VAT1L: variants seen among roughly 807,000 people sequenced by gnomAD.
VAT1L encodes the protein putative NADPH-dependent quinone oxidoreductase VAT1L.
A neutral mutation model predicts 44.1 loss-of-function variants in VAT1L; 34 were observed. That is an observed-to-expected ratio of 0.77 (90% CI 0.59 to 1.03). The LOEUF (loss-of-function observed/expected upper bound fraction) is 1.03. Ranked by LOEUF, VAT1L falls within the 50% of genes least tolerant of loss-of-function variation. VAT1L has a pLI of 0.00. For synonymous variants in VAT1L, 253 were observed against 202.2 expected, an observed-to-expected ratio of 1.25 and a Z score of -2.13; for missense variants, 615 against 538.8, an observed-to-expected ratio of 1.14 and a Z score of -1.40.
At chr16:77,803,609 C>T (rs746381422) in intron 1 of VAT1L, among the ~76,000 whole-genome samples, 86 of 151,742 alleles carry the variant, frequency 5.7e-4, no homozygotes, top group Non-Finnish European at 1.2e-3. Flanking sequence ...TTAGTAGAGA[C>T]GGGGTTTCAC....
chr16:77,950,221 C>G (rs2018025076), intron 7 of VAT1L, among the ~76,000 whole-genome samples: 1 of 152,130 alleles, frequency 6.6e-6, no homozygotes, highest in Non-Finnish European at 1.5e-5. Flanking sequence ...CCAGCCTGGC[C>G]AACATGGGGA....
intron 3 of VAT1L, among the ~76,000 whole-genome samples, chr16:77,835,727 G>A (rs1256149485): frequency 6.6e-6 from 1 of 152,038 alleles, no homozygotes; most frequent in Non-Finnish European, 1.5e-5. Context: ...ACAAAAATTA[G>A]CCAGGCGTGG....
chr16:77,842,414 G>A (rs2016716429), intron 3 of VAT1L, among the ~76,000 whole-genome samples: 1 of 152,216 alleles, frequency 6.6e-6, no homozygotes, highest in Non-Finnish European at 1.5e-5. Context: ...AGACCAACGA[G>A]CAACCAAATA....
intron 7 of VAT1L, among the ~76,000 whole-genome samples, chr16:77,907,331 C>G (rs2017448204): frequency 6.6e-6 from 1 of 152,206 alleles, no homozygotes; most frequent in East Asian, 1.9e-4. Context: ...CTCACTTTTG[C>G]TGGTCTCCTG....
chr16:77,871,361 C>T (rs894533908), intron 4 of VAT1L, among the ~76,000 whole-genome samples: 4 of 152,042 alleles, frequency 2.6e-5, no homozygotes, highest in Admixed American at 2.0e-4. Context: ...GAGGCATGGA[C>T]GGGGGCAGGT....
intron 7 of VAT1L, among the ~76,000 whole-genome samples, chr16:77,964,494 T>C (rs7193810): frequency 0.092 from 13,933 of 152,178 alleles, 718 homozygotes; most frequent in African/African-American, 0.13. Context: ...GAGCCAAACC[T>C]TCCTGCCTTC....
In VAT1L at chr16:77,960,501, G is replaced by T. The variant is rs117899449; in HGVS notation, c.1078-11349G>T. Among the ~76,000 whole-genome samples the T allele has an allele frequency of 5.9e-5, 9 of 152,272 alleles. No individual in the cohort carries two copies. The South Asian group carries it at 1.7e-3, about 28-fold the overall frequency. Reference sequence around the variant, plus strand: ...TAACAGATTGCACAGAGAAAGCTAGGACCTTGCAGGAGCTGTAGTTGTGAA... The same window carrying T: ...TAACAGATTGCACAGAGAAAGCTAGTACCTTGCAGGAGCTGTAGTTGTGAA... On this transcript the variant is annotated intron_variant, in intron 7 of 8. Coordinates refer to ENST00000302536, the MANE Select transcript of VAT1L (RefSeq NM_020927.3).
intron 7 of VAT1L, among the ~76,000 whole-genome samples, chr16:77,910,303 C>T (rs183304561): frequency 2.6e-5 from 4 of 152,272 alleles, no homozygotes; most frequent in Admixed American, 2.0e-4. Flanking sequence ...AGCTAAAAAA[C>T]GAGCCTCTCA....
At chr16:77,823,176 C>T (rs957923281) in intron 2 of VAT1L, among the ~76,000 whole-genome samples, 5 of 151,882 alleles carry the variant, frequency 3.3e-5, no homozygotes, top group Admixed American at 6.6e-5. Context: ...TTTGGGAGCG[C>T]TCACCTCCAG....
At chr16:77,968,354 C>A (rs988355930) in intron 7 of VAT1L, among the ~76,000 whole-genome samples, 5 of 152,138 alleles carry the variant, frequency 3.3e-5, no homozygotes, top group African/African-American at 9.7e-5. Context: ...ATAGCTATGC[C>A]GTAGACAGAG....
intron 3 of VAT1L, among the ~76,000 whole-genome samples, chr16:77,846,669 A>G (rs1213171251): frequency 2.6e-5 from 4 of 152,216 alleles, no homozygotes; most frequent in African/African-American, 4.8e-5. Context: ...AATACAGTTT[A>G]TAATACTATA....
At position 77,825,289 on chromosome 16, in the gene VAT1L, C is replaced by A; in HGVS notation, c.407C>A (p.Ala136Glu). ...GCATTTGTCAATTACAATGCCTGGGCAGAGGTGGTCTGCACACCAGTGGAG... is the reference window on the plus strand; with the variant it reads ...GCATTTGTCAATTACAATGCCTGGGAAGAGGTGGTCTGCACACCAGTGGAG... ...VMAFVNYNAWAEVVCTPVEFV... is the reference protein window; with the variant it reads ...VMAFVNYNAWEEVVCTPVEFV... Residue 136 changes from alanine to glutamate, a missense_variant, in exon 3 of 9, where the codon GCA becomes GAA. By Grantham distance (107) the Ala-to-Glu change is moderately radical. Transcript: ENST00000302536. The A allele has an allele frequency of 6.2e-7, 1 of 1,614,158 alleles. No individual in the cohort carries two copies. The highest frequency in any genetic ancestry group is 8.5e-7 in the Non-Finnish European group (1 of 1,180,032).
intron 3 of VAT1L, among the ~76,000 whole-genome samples, chr16:77,855,557 G>C (rs939203729): frequency 6.6e-6 from 1 of 152,130 alleles, no homozygotes; most frequent in East Asian, 1.9e-4. Flanking sequence ...TAGTGGTTCA[G>C]TGGAATTGGT....
chr16:77,929,615 G>T (rs934588956), intron 7 of VAT1L, among the ~76,000 whole-genome samples: 1 of 152,152 alleles, frequency 6.6e-6, no homozygotes, highest in Non-Finnish European at 1.5e-5. Context: ...GAGGGTGACA[G>T]ATAGGGAGTC....
chr16:77,856,455 TA>T (rs2016859961), intron 3 of VAT1L, among the ~76,000 whole-genome samples: 1 of 152,142 alleles, frequency 6.6e-6, no homozygotes, highest in Admixed American at 6.5e-5. Context: ...CTGTTATAGC[TA>T]AAAACTGCTC....
At chr16:77,928,099 C>G (rs2017690021) in intron 7 of VAT1L, among the ~76,000 whole-genome samples, 1 of 152,088 alleles carries the variant, frequency 6.6e-6, no homozygotes, top group African/African-American at 2.4e-5. Context: ...ATTTTCACAG[C>G]AGGCCTTATT....
intron 7 of VAT1L, among the ~76,000 whole-genome samples, chr16:77,957,679 C>A (rs1205690079): frequency 6.6e-6 from 1 of 151,448 alleles, no homozygotes; most frequent in African/African-American, 2.4e-5. Flanking sequence ...GAGCTGAGAT[C>A]GGGCCACTGC....
chr16:77,862,837 C>A lies in VAT1L; in HGVS notation c.669C>A (p.Asp223Glu), dbSNP rs759575995. Residue 223 changes from aspartate to glutamate, a missense_variant, in exon 4 of 9, where the codon GAC becomes GAA. Physicochemically the swap from Asp to Glu is conservative, Grantham distance 45. Coordinates refer to ENST00000302536, the MANE Select transcript of VAT1L (RefSeq NM_020927.3). ...ASTFKHEAIK[D>E]SVTHLFDRNA... Reference sequence around the variant, plus strand: ...CTTTCAAGCATGAAGCAATCAAAGACTCTGTGACCCACCTCTTTGACAGAA... The same window carrying A: ...CTTTCAAGCATGAAGCAATCAAAGAATCTGTGACCCACCTCTTTGACAGAA... 2.5e-6 allele frequency: 4 copies of A among 1,613,996 alleles called. No homozygotes were observed. The African/African-American group carries it at 5.3e-5, about 22-fold the overall frequency.
At chr16:77,907,338 C>G (rs921192582) in intron 7 of VAT1L, among the ~76,000 whole-genome samples, 1 of 152,188 alleles carries the variant, frequency 6.6e-6, no homozygotes, top group Middle Eastern at 3.2e-3. Flanking sequence ...TTGCTGGTCT[C>G]CTGTGTGCAG....
Sources: gnomAD v4.1 joint callset for allele counts (sites outside exome capture counted in the v4.1 genomes callset) on GRCh38, gnomAD v4.1.1 for gene constraint, MANE v1.5 for transcripts, NCBI Gene and HGNC (gene_info 2026-07-23, HGNC 2026-07-21) for gene names.